CRYGS: variants seen among roughly 807,000 people sequenced by gnomAD.
The protein encoded by CRYGS is gamma-crystallin S.
Under a neutral mutation model 21.3 loss-of-function variants are expected in CRYGS, and 13 were observed. The observed-to-expected ratio is 0.61, with a 90% CI of 0.40 to 0.97. The LOEUF is 0.97. CRYGS is among the 50% of genes least tolerant of loss of function. The pLI is 0.00. For missense variants in CRYGS, 205 were observed against 229.7 expected (o/e 0.89, Z 0.69); for synonymous variants, 67 against 75.0 (o/e 0.89, Z 0.55).
At chr3:186,541,490 A>G (rs1482654277) in intron 1 of CRYGS, among the ~76,000 whole-genome samples, 1 of 152,160 alleles carries the variant, frequency 6.6e-6, no homozygotes, top group Non-Finnish European at 1.5e-5. Flanking sequence ...AAAAGTCTCA[A>G]TACTACTGCT....
intron 1 of CRYGS, 104 bp from the exon 2 acceptor site, chr3:186,539,701 A>G: frequency 7.2e-7 from 1 of 1,394,468 alleles, no homozygotes; most frequent in Non-Finnish European, 1.0e-6. Flanking sequence ...CTTTCACCTC[A>G]ATTTTGAGGA....
chr3:186,541,476 A>G (rs1714065668), intron 1 of CRYGS, among the ~76,000 whole-genome samples: 1 of 152,172 alleles, frequency 6.6e-6, no homozygotes, highest in African/African-American at 2.4e-5. Context: ...TGAAGAAAAA[A>G]AAGAAAAGTC....
rs928671942 is a variant in CRYGS, at chr3:186,539,406, C to A, written c.213G>T (p.Gln71His). The A allele has an allele frequency of 1.9e-6, 3 of 1,612,228 alleles. No individual in the cohort carries two copies. Among genetic ancestry groups the A allele is most frequent in the Non-Finnish European group, 2.5e-6 (3 of 1,180,002 alleles). The stretch of plus-strand genomic sequence containing the variant: ...GGCGGTCGTTGAGGCCCATCCAACG[C>A]TGGTATTCAGGGTACTCTCCCTGTG... ...ILPQGEYPEY[Q>H]RWMGLNDRLS... Residue 71 changes from glutamine (Q) to histidine (H), a missense_variant, in exon 2 of 3, where the codon CAG (glutamine) becomes CAT (histidine). Transcript: ENST00000307944.
At chr3:186,539,015 CCAG>C (rs1560218235) in intron 2 of CRYGS, 47 bp from the exon 3 acceptor site, 9 of 1,604,146 alleles carry the variant, frequency 5.6e-6, no homozygotes, top group Non-Finnish European at 7.7e-6. Context: ...ATGGAAATCA[CCAG>C]CAGGTCAAGA....
chr3:186,540,815 G>T, intron 1 of CRYGS: 1 of 492,420 alleles, frequency 2.0e-6, no homozygotes, highest in Non-Finnish European at 2.6e-6. Context: ...GGATAAGTAG[G>T]TGTTTTCCAG....
chr3:186,539,288 C>A (rs1713999829), intron 2 of CRYGS, 67 bp downstream of exon 2: 10 of 1,606,990 alleles, frequency 6.2e-6, no homozygotes, highest in Non-Finnish European at 7.6e-6. Context: ...AAAATGTTCA[C>A]CTAAAAGCAA....
Position 186,538,921 on chromosome 3 carries a change from A to G in CRYGS, c.312T>C (p.Phe104=), listed in dbSNP as rs766681022. 34 of 1,614,036 alleles carry G rather than the reference A, an allele frequency of 2.1e-5. No homozygotes were observed. The highest frequency in any genetic ancestry group is 2.9e-5 in the Non-Finnish European group (34 of 1,180,004). The change falls in exon 3 of 3, where the codon TTT becomes TTC. Residue 104 remains phenylalanine (F), a synonymous_variant. Transcript: ENST00000307944. ...YKIQIFEKGD[F]SGQMYETTED... is the part of the protein sequence containing the mutation. ...CGGTGGTTTCATACATCTGACCACTAAAATCCCCTTTCTCAAAGATCTGAA... is the reference window on the plus strand; with the variant it reads ...CGGTGGTTTCATACATCTGACCACTGAAATCCCCTTTCTCAAAGATCTGAA...
At chr3:186,541,565 G>A (rs774044253) in intron 1 of CRYGS, among the ~76,000 whole-genome samples, 22 of 152,358 alleles carry the variant, frequency 1.4e-4, no homozygotes, top group Non-Finnish European at 3.2e-4. Context: ...TGGCAAAACA[G>A]GATGATAGTG....
intron 1 of CRYGS, chr3:186,540,771 C>G (rs1714046333): frequency 2.1e-6 from 2 of 954,388 alleles, no homozygotes; most frequent in African/African-American, 3.5e-5. Flanking sequence ...GAGCCGGATA[C>G]TGTCTTGAGA....
chr3:186,538,867 A>G lies in CRYGS; in HGVS notation c.366T>C (p.Phe122=), dbSNP rs1322530586. ...TACAGGAGTGGATCTCTCGCATGTGAAATTGCTCCATGATGGAAGGGCAAT... is the reference window on the plus strand; with the variant it reads ...TACAGGAGTGGATCTCTCGCATGTGGAATTGCTCCATGATGGAAGGGCAAT... The part of the protein sequence containing the change: ...TEDCPSIMEQ[F]HMREIHSCKV... The change falls in exon 3 of 3, where the codon TTT becomes TTC. Residue 122 remains phenylalanine (F), a synonymous_variant. Transcript: ENST00000307944. 1 of 1,614,096 alleles carries G rather than the reference A, an allele frequency of 6.2e-7. No homozygotes were observed. The highest frequency in any genetic ancestry group is 1.1e-5 in the South Asian group (1 of 91,080).
intron 2 of CRYGS, 72 bp downstream of exon 2, chr3:186,539,283 G>A: frequency 6.2e-7 from 1 of 1,601,564 alleles, no homozygotes; most frequent in Admixed American, 1.7e-5. Flanking sequence ...TCAAGAAAAT[G>A]TTCACCTAAA....
Position 186,538,632 on chromosome 3 carries a change from C to T in CRYGS, c.*64G>A. ...ATGCCAACTGTTTTATTGATGATGC[C>T]TATTTGGACCACAAGGCCAGCCAGC... On this transcript the variant is annotated 3_prime_UTR_variant, in exon 3 of 3. Coordinates refer to ENST00000307944, the MANE Select transcript of CRYGS (RefSeq NM_017541.4). 6 of 1,605,508 alleles carry T rather than the reference C, an allele frequency of 3.7e-6. No homozygotes were observed. The highest frequency in any genetic ancestry group is 5.1e-6 in the Non-Finnish European group (6 of 1,173,236).
intron 1 of CRYGS, chr3:186,540,792 G>C (rs1437639474): frequency 2.6e-6 from 2 of 781,446 alleles, no homozygotes; most frequent in Non-Finnish European, 3.1e-6. Flanking sequence ...GGATCTTTGA[G>C]CTGAGCATTG....
chr3:186,538,652 G>T lies in CRYGS; in HGVS notation c.*44C>A. ...GATGCCTATTTGGACCACAAGGCCAGCCAGCATTTGGGCCCCAGGAAGAAT... is the reference window on the plus strand; with the variant it reads ...GATGCCTATTTGGACCACAAGGCCATCCAGCATTTGGGCCCCAGGAAGAAT... On this transcript the variant is annotated 3_prime_UTR_variant, in exon 3 of 3. Transcript: ENST00000307944. 6.2e-7 allele frequency: 1 copy of T among 1,613,354 alleles called. No individual in the cohort carries two copies. Among genetic ancestry groups the T allele is most frequent in the South Asian group, 1.1e-5 (1 of 91,040 alleles).
chr3:186,539,619 G>A (rs1319269568), intron 1 of CRYGS, 22 bp from the exon 2 acceptor site: 2 of 1,613,960 alleles, frequency 1.2e-6, no homozygotes, highest in South Asian at 1.1e-5. Context: ...GGCCAACAGA[G>A]AAAGAGCTGA....
At chr3:186,543,923 G>A (rs998793300) in intron 1 of CRYGS, among the ~76,000 whole-genome samples, 1 of 152,094 alleles carries the variant, frequency 6.6e-6, no homozygotes, top group African/African-American at 2.4e-5. Context: ...AATGGTTGAG[G>A]CTAAATTTCA....
chr3:186,539,696 A>C, intron 1 of CRYGS, 99 bp from the exon 2 acceptor site: 1 of 1,468,632 alleles, frequency 6.8e-7, no homozygotes, highest in Non-Finnish European at 9.4e-7. Flanking sequence ...AATTCCTTTC[A>C]CCTCAATTTT....
Position 186,539,438 on chromosome 3 carries a change from T to G in CRYGS, c.181A>C (p.Ile61Leu), listed in dbSNP as rs550784657. The G allele has an allele frequency of 6.2e-7, 1 of 1,612,600 alleles. No individual in the cohort carries two copies. The highest frequency in any genetic ancestry group is 8.5e-7 in the Non-Finnish European group (1 of 1,180,010). The change falls in exon 2 of 3, where the codon ATC (isoleucine) becomes CTC (leucine). Residue 61 changes from isoleucine to leucine, a missense_variant. Coordinates refer to ENST00000307944, the MANE Select transcript of CRYGS (RefSeq NM_017541.4). ...ERPNFAGYMYILPQGEYPEYQ... is the reference protein window; with the variant it reads ...ERPNFAGYMYLLPQGEYPEYQ... ...TCAGGGTACTCTCCCTGTGGTAAGATGTACATGTACCCAGCAAAGTTGGGC... is the reference window on the plus strand; with the variant it reads ...TCAGGGTACTCTCCCTGTGGTAAGAGGTACATGTACCCAGCAAAGTTGGGC...
At chr3:186,542,327 C>T (rs1041382648) in intron 1 of CRYGS, among the ~76,000 whole-genome samples, 2 of 152,174 alleles carry the variant, frequency 1.3e-5, no homozygotes, top group Non-Finnish European at 2.9e-5. Flanking sequence ...GAATGTTGCA[C>T]CTAGCTGTGC....
Sources: gnomAD v4.1 joint callset for allele counts (sites outside exome capture counted in the v4.1 genomes callset) on GRCh38, gnomAD v4.1.1 for gene constraint, MANE v1.5 for transcripts, NCBI Gene and HGNC (gene_info 2026-07-23, HGNC 2026-07-21) for gene names.